Variants in CCSER1 observed in about 807,000 individuals in gnomAD.
The protein encoded by CCSER1 is coiled-coil serine rich protein 1.
CCSER1 carries 41 observed loss-of-function variants against 82.0 expected under a neutral mutation model. That is an observed-to-expected ratio of 0.50 (90% CI 0.39 to 0.65). CCSER1 has a LOEUF of 0.65. CCSER1 is among the 30% of genes least tolerant of loss of function. The probability of loss-of-function intolerance (pLI) is 0.00; values close to 1 mark genes in which losing one functional copy is unlikely to be tolerated. For synonymous variants in CCSER1, 414 were observed against 383.9 expected (o/e 1.08, Z -0.92); for missense variants, 1,119 against 1,064.2 (o/e 1.05, Z -0.72).
chr4:90,903,669 G>T (rs10516880), intron 8 of CCSER1, among the ~76,000 whole-genome samples: 5,931 of 152,036 alleles, frequency 0.039, 320 homozygotes, highest in East Asian at 0.22. Context: ...TCAGGGAACA[G>T]ATCTACTTCA....
intron 10 of CCSER1, among the ~76,000 whole-genome samples, chr4:91,214,187 T>G (rs1195619922): frequency 2.0e-5 from 3 of 152,190 alleles, no homozygotes; most frequent in Non-Finnish European, 4.4e-5. Context: ...TTTCTTCTTA[T>G]TCAAATTATT....
chr4:91,324,321 T>C (rs1746400543), intron 10 of CCSER1, among the ~76,000 whole-genome samples: 1 of 152,168 alleles, frequency 6.6e-6, no homozygotes, highest in South Asian at 2.1e-4. Flanking sequence ...TAATGTACTA[T>C]TTGTCGGAGT....
intron 10 of CCSER1, among the ~76,000 whole-genome samples, chr4:91,312,235 T>C (rs1578173673): frequency 6.6e-6 from 1 of 151,750 alleles, no homozygotes; most frequent in African/African-American, 2.4e-5. Flanking sequence ...ACAAGAGTTA[T>C]AATATATAAG....
intron 4 of CCSER1, among the ~76,000 whole-genome samples, chr4:90,454,935 A>T (rs1252611199): frequency 6.6e-6 from 1 of 152,190 alleles, no homozygotes; most frequent in Non-Finnish European, 1.5e-5. Flanking sequence ...AAAAGTGCCT[A>T]AAACTAAGAT....
intron 10 of CCSER1, among the ~76,000 whole-genome samples, chr4:91,332,268 A>G (rs564481245): frequency 6.6e-6 from 1 of 151,962 alleles, no homozygotes; most frequent in South Asian, 2.1e-4. Flanking sequence ...TCAAAATATA[A>G]TTTTCTTCTT....
chr4:90,861,267 AAATC>A (rs2149985442), intron 8 of CCSER1, among the ~76,000 whole-genome samples: 1 of 151,880 alleles, frequency 6.6e-6, no homozygotes, highest in South Asian at 2.1e-4. Flanking sequence ...AACTTGAACT[AAATC>A]AAAAAGCCAG....
rs547676899 is a variant in CCSER1, at chr4:90,228,101, C to G, written c.-41-80143C>G. ...AGGTAAACAGAGCAGCCGGGAAGCT[C>G]CAACTGGGTGGAGCCCACCACAGCT... On this transcript the variant is annotated intron_variant, in intron 1 of 10. Coordinates refer to ENST00000509176, the MANE Select transcript of CCSER1 (RefSeq NM_001145065.2). Among the ~76,000 whole-genome samples, 41 of 152,342 alleles carry G rather than the reference C, an allele frequency of 2.7e-4. 2 individuals are homozygous for G. In the South Asian group the frequency reaches 8.5e-3, roughly 32 times the overall value.
chr4:90,631,129 G>A (rs554099122), intron 6 of CCSER1, among the ~76,000 whole-genome samples: 8 of 152,100 alleles, frequency 5.3e-5, no homozygotes, highest in South Asian at 2.1e-4. Flanking sequence ...TCATGACCTC[G>A]TGATCCGCCC....
At chr4:91,442,773 C>G (rs1179857414) in intron 10 of CCSER1, among the ~76,000 whole-genome samples, 2 of 148,094 alleles carry the variant, frequency 1.4e-5, no homozygotes, top group South Asian at 2.2e-4. Flanking sequence ...AACAAATTTA[C>G]AAGAAAAAAA....
At chr4:90,238,117 T>C (rs1301918645) in intron 1 of CCSER1, among the ~76,000 whole-genome samples, 2 of 152,214 alleles carry the variant, frequency 1.3e-5, no homozygotes, top group Non-Finnish European at 2.9e-5. Flanking sequence ...AGGAAAATCC[T>C]GTCAGAATAC....
At chr4:90,866,116 T>C (rs1487091124) in intron 8 of CCSER1, among the ~76,000 whole-genome samples, 2 of 151,824 alleles carry the variant, frequency 1.3e-5, no homozygotes, top group Non-Finnish European at 2.9e-5. Context: ...ACCTCTGAAA[T>C]TGGGTATTAC....
chr4:91,350,689 C>A (rs1316072387), intron 10 of CCSER1, among the ~76,000 whole-genome samples: 2 of 151,856 alleles, frequency 1.3e-5, no homozygotes, highest in Non-Finnish European at 2.9e-5. Flanking sequence ...TTGACAAATA[C>A]ATAAGAATCA....
chr4:90,226,850 G>T (rs1174212873), intron 1 of CCSER1, among the ~76,000 whole-genome samples: 1 of 152,200 alleles, frequency 6.6e-6, no homozygotes, highest in East Asian at 1.9e-4. Flanking sequence ...TACTTTTCCA[G>T]ATCATCTCCC....
intron 1 of CCSER1, among the ~76,000 whole-genome samples, chr4:90,209,339 A>G (rs1215410198): frequency 6.6e-6 from 1 of 152,102 alleles, no homozygotes; most frequent in Non-Finnish European, 1.5e-5. Context: ...TACTACTATC[A>G]TTGGTAGGGA....
At chr4:90,721,334 A>G (rs913193180) in intron 6 of CCSER1, among the ~76,000 whole-genome samples, 1 of 151,728 alleles carries the variant, frequency 6.6e-6, no homozygotes, top group Non-Finnish European at 1.5e-5. Flanking sequence ...TAGGCTTCTT[A>G]TGACAGGAAT....
intron 3 of CCSER1, among the ~76,000 whole-genome samples, chr4:90,364,836 TATAGGTCAAAATAAAA>T (rs1745982122): frequency 6.6e-6 from 1 of 151,902 alleles, no homozygotes; most frequent in Non-Finnish European, 1.5e-5. Flanking sequence ...AAGAGAATCT[TATAGGTCAAAATAAAA>T]TTTTGAAAAT....
At chr4:90,595,670 A>G (rs1258514523) in intron 5 of CCSER1, among the ~76,000 whole-genome samples, 2 of 152,082 alleles carry the variant, frequency 1.3e-5, no homozygotes, top group East Asian at 3.9e-4. Flanking sequence ...TTAAAATATT[A>G]TGTAGTGAGA....
At chr4:90,460,691 A>G (rs1333991042) in intron 4 of CCSER1, among the ~76,000 whole-genome samples, 5 of 152,150 alleles carry the variant, frequency 3.3e-5, no homozygotes, top group Non-Finnish European at 7.3e-5. Flanking sequence ...TGTATAGAAT[A>G]CTTTTAAATT....
intron 1 of CCSER1, among the ~76,000 whole-genome samples, chr4:90,269,702 T>C (rs1560913776): frequency 6.6e-6 from 1 of 150,976 alleles, no homozygotes; most frequent in South Asian, 2.1e-4. Context: ...ATAAATGAAA[T>C]TGAAGAAAAC....
Sources: allele counts gnomAD v4.1 joint callset (sites outside exome capture counted in the v4.1 genomes callset), GRCh38; gene constraint gnomAD v4.1.1; transcripts MANE v1.5; gene names NCBI Gene and HGNC (gene_info 2026-07-23, HGNC 2026-07-21).